Variants in ADAM28 observed in about 807,000 individuals in gnomAD.
The protein encoded by ADAM28 is ADAM metallopeptidase domain 28.
A neutral mutation model predicts 101.2 loss-of-function variants in ADAM28; 105 were observed. That is an observed-to-expected ratio of 1.04 (90% CI 0.89 to 1.22). ADAM28 has a LOEUF of 1.22. Ranked by LOEUF, ADAM28 falls within the 50% of genes most tolerant of loss-of-function variation. ADAM28 has a pLI of 0.00. For synonymous variants in ADAM28, 322 were observed against 310.6 expected (o/e 1.04, Z -0.39); for missense variants, 1,028 against 945.4 (o/e 1.09, Z -1.15).
intron 7 of ADAM28, 76 bp from the exon 8 acceptor site, chr8:24,321,137 TATAAG>T (rs1321634171): frequency 3.9e-6 from 3 of 771,632 alleles, no homozygotes; most frequent in South Asian, 1.6e-5. Context: ...TAATAAGTAA[TATAAG>T]AGAAGATGCC....
chr8:24,331,787 C>T (rs978223984), intron 12 of ADAM28, among the ~76,000 whole-genome samples: 7 of 152,108 alleles, frequency 4.6e-5, no homozygotes, highest in African/African-American at 1.2e-4. Flanking sequence ...CCACCCAGCA[C>T]AGGGATCTGG....
intron 10 of ADAM28, among the ~76,000 whole-genome samples, chr8:24,328,177 T>A (rs1812878153): frequency 6.6e-6 from 1 of 152,010 alleles, no homozygotes; most frequent in Admixed American, 6.6e-5. Flanking sequence ...GGGAATTTTT[T>A]AAAACATTCC....
rs574422996 is a variant in ADAM28, at chr8:24,317,388, C to T, written c.577-2848C>T. Among the ~76,000 whole-genome samples, 7 of 151,976 alleles carry T rather than the reference C, an allele frequency of 4.6e-5. No homozygotes were observed. The South Asian group carries it at 6.2e-4, about 14-fold the overall frequency. ...TCTCGGAAATAAATCCAAACATATA[C>T]GTTCAATTAATTTTTGACAAGGGCA... On this transcript the variant is annotated intron_variant, in intron 6 of 22. Coordinates refer to ENST00000265769, the MANE Select transcript of ADAM28 (RefSeq NM_014265.6).
intron 2 of ADAM28, among the ~76,000 whole-genome samples, chr8:24,302,770 C>CT (rs201514407): frequency 0.023 from 3,552 of 152,082 alleles, 156 homozygotes; most frequent in African/African-American, 0.079. Flanking sequence ...CCTTTGTCCA[C>CT]TTTTTTTTAA....
chr8:24,328,883 T>A (rs1812972897), intron 10 of ADAM28, among the ~76,000 whole-genome samples: 1 of 150,850 alleles, frequency 6.6e-6, no homozygotes, highest in African/African-American at 2.4e-5. Context: ...ATGGCACCAT[T>A]ACACTCCAGT....
chr8:24,334,452 T>G lies in ADAM28; in HGVS notation c.1372-994T>G, dbSNP rs140711359. 6.3e-3 allele frequency among the ~76,000 whole-genome samples: 965 copies of G among 152,234 alleles called. 13 individuals carry two copies. Among genetic ancestry groups the G allele is most frequent in the Non-Finnish European group, 8.3e-3 (567 of 68,020 alleles). On this transcript the variant is annotated intron_variant, in intron 13 of 22. Transcript: ENST00000265769. The stretch of plus-strand genomic sequence containing the variant: ...CAGGAGCAGCAATTTGCATTAAAGG[T>G]GTCAGAGGAGACTTGGTGGGAAAAT...
At chr8:24,344,639 C>T (rs1422232066) in intron 18 of ADAM28, among the ~76,000 whole-genome samples, 5 of 151,956 alleles carry the variant, frequency 3.3e-5, no homozygotes, top group Non-Finnish European at 4.4e-5. Flanking sequence ...TTTTCTAGTG[C>T]CCTATGATTT....
At chr8:24,338,020 C>T (rs1420038908) in intron 14 of ADAM28, among the ~76,000 whole-genome samples, 3 of 152,160 alleles carry the variant, frequency 2.0e-5, no homozygotes, top group Non-Finnish European at 4.4e-5. Flanking sequence ...GAAAACATAA[C>T]CAAACAACTC....
chr8:24,353,150 T>C (rs1174582947), intron 21 of ADAM28, among the ~76,000 whole-genome samples: 1 of 152,186 alleles, frequency 6.6e-6, no homozygotes, highest in African/African-American at 2.4e-5. Context: ...TGAGAAACGA[T>C]AAATAGCTCT....
chr8:24,304,915 T>TAA (rs1585520040), intron 2 of ADAM28, among the ~76,000 whole-genome samples: 1 of 117,820 alleles, frequency 8.5e-6, no homozygotes, highest in African/African-American at 3.5e-5. Flanking sequence ...AAACTCCTTC[T>TAA]CAAAAAAAAA....
intron 8 of ADAM28, 138 bp from the exon 9 acceptor site, chr8:24,323,696 T>A: frequency 1.2e-6 from 1 of 856,722 alleles, no homozygotes; most frequent in Non-Finnish European, 1.7e-6. Context: ...GTCAATACAT[T>A]CTGTTTCACA....
At chr8:24,307,231 C>T (rs1809820444) in intron 2 of ADAM28, among the ~76,000 whole-genome samples, 2 of 152,178 alleles carry the variant, frequency 1.3e-5, no homozygotes, top group South Asian at 4.1e-4. Flanking sequence ...CCCATGAAAG[C>T]TTCATAGGTC....
intron 20 of ADAM28, 23 bp downstream of exon 20, chr8:24,351,333 T>C: frequency 6.2e-7 from 1 of 1,605,852 alleles, no homozygotes; most frequent in Non-Finnish European, 8.5e-7. Context: ...GTCTGGGCTG[T>C]GATTACCATG....
rs756052753 is a variant in ADAM28 at position 24,356,907 on chromosome 8, A to C, written c.*2503A>C. On this transcript the variant is annotated 3_prime_UTR_variant, in exon 23 of 23. Coordinates refer to ENST00000265769, the MANE Select transcript of ADAM28 (RefSeq NM_014265.6). ...CTTTTAGCTTTTTATAAAATAATGA[A>C]GTATGCATGAAAAGAAAGCAAATTT... 2 of 152,178 alleles carry C rather than the reference A, an allele frequency of 1.3e-5. No individual in the cohort carries two copies. The highest frequency in any genetic ancestry group is 2.9e-5 in the Non-Finnish European group (2 of 68,032). The allele number at this position is 152,178 out of a possible 1,614,324, so 9.4% of individuals were successfully genotyped here. A position where few individuals can be genotyped will look rare whatever the true frequency, so the allele number is the denominator to read the frequency against.
At chr8:24,318,836 G>A (rs1353164826) in intron 6 of ADAM28, among the ~76,000 whole-genome samples, 1 of 151,878 alleles carries the variant, frequency 6.6e-6, no homozygotes, top group East Asian at 1.9e-4. Flanking sequence ...AATAACCATG[G>A]CAACAGCCTC....
chr8:24,344,413 C>T (rs903929109), intron 18 of ADAM28, among the ~76,000 whole-genome samples: 23 of 152,070 alleles, frequency 1.5e-4, no homozygotes, highest in African/African-American at 5.1e-4. Flanking sequence ...TTTGCAGAAA[C>T]GGAGAAATTC....
At chr8:24,352,380 G>T (rs1017017917) in intron 21 of ADAM28, among the ~76,000 whole-genome samples, 1 of 152,160 alleles carries the variant, frequency 6.6e-6, no homozygotes, top group East Asian at 1.9e-4. Flanking sequence ...TCTGGAGACT[G>T]GGAAGTCCAA....
rs1033855197 is a variant in ADAM28, at chr8:24,352,118, T to G, written c.2244+66T>G. On this transcript the variant is annotated intron_variant, in intron 21 of 22. Coordinates refer to ENST00000265769, the MANE Select transcript of ADAM28 (RefSeq NM_014265.6). Reference sequence around the variant, plus strand: ...CTCCAGGAAATATCGGTGAAAGTCATAGCCCACAACACTTCATTATTTCTT... The same window carrying G: ...CTCCAGGAAATATCGGTGAAAGTCAGAGCCCACAACACTTCATTATTTCTT... 3 of 1,374,520 alleles carry G rather than the reference T, an allele frequency of 2.2e-6. No homozygotes were observed. The Admixed American group carries it at 5.0e-5, about 23-fold the overall frequency. 85.1% of individuals were successfully genotyped at this position (1,374,520 alleles called of 1,614,324 possible).
intron 20 of ADAM28, chr8:24,351,681 A>T: frequency 2.2e-6 from 1 of 456,868 alleles, no homozygotes; most frequent in African/African-American, 2.0e-5. Flanking sequence ...TAATACATGT[A>T]ATATTTATAA....
Sources: gnomAD v4.1 joint callset for allele counts (sites outside exome capture counted in the v4.1 genomes callset) on GRCh38, gnomAD v4.1.1 for gene constraint, MANE v1.5 for transcripts, NCBI Gene and HGNC (gene_info 2026-07-23, HGNC 2026-07-21) for gene names.